Variants in BBS9 observed in about 807,000 individuals in gnomAD.
The protein encoded by BBS9 is Bardet-Biedl syndrome 9, also known as protein PTHB1.
Under a neutral mutation model 117.7 loss-of-function variants are expected in BBS9, and 89 were observed. That is an observed-to-expected ratio of 0.76 (90% CI 0.64 to 0.90). The LOEUF (loss-of-function observed/expected upper bound fraction) is 0.90. BBS9 is among the 40% of genes least tolerant of loss of function. The pLI, the probability that BBS9 is intolerant of heterozygous loss-of-function variation, is 0.00. For missense variants in BBS9, 982 were observed against 1,042.2 expected, an observed-to-expected ratio of 0.94 and a Z score of 0.80; for synonymous variants, 379 against 370.9, an observed-to-expected ratio of 1.02 and a Z score of -0.25.
chr7:33,434,889 T>C (rs974937743), intron 19 of BBS9, among the ~76,000 whole-genome samples: 1 of 152,116 alleles, frequency 6.6e-6, no homozygotes. Context: ...TTTGACCTCA[T>C]GAAATATGCA....
intron 20 of BBS9, among the ~76,000 whole-genome samples, chr7:33,513,721 T>C (rs1847309557): frequency 6.6e-6 from 1 of 152,186 alleles, no homozygotes; most frequent in Non-Finnish European, 1.5e-5. Flanking sequence ...CACATACATG[T>C]TCATTCACAT....
At chr7:33,220,337 C>G (rs1346780587) in intron 5 of BBS9, among the ~76,000 whole-genome samples, 1 of 152,106 alleles carries the variant, frequency 6.6e-6, no homozygotes, top group African/African-American at 2.4e-5. Flanking sequence ...GAGGGATGGT[C>G]AGGGCAGATG....
intron 19 of BBS9, among the ~76,000 whole-genome samples, chr7:33,438,206 G>A (rs76769115): frequency 0.018 from 2,782 of 152,192 alleles, 85 homozygotes; most frequent in African/African-American, 0.064. Flanking sequence ...TAAATTAAAT[G>A]CCTAAATGGG....
intron 19 of BBS9, among the ~76,000 whole-genome samples, chr7:33,398,353 A>G (rs892318619): frequency 2.6e-5 from 4 of 152,164 alleles, no homozygotes; most frequent in African/African-American, 4.8e-5. Context: ...ATTATTCCAT[A>G]TATGAGTTAG....
intron 21 of BBS9, among the ~76,000 whole-genome samples, chr7:33,544,998 T>G (rs536628994): frequency 1.9e-3 from 289 of 152,144 alleles, no homozygotes; most frequent in South Asian, 3.7e-3. Flanking sequence ...TCACAGGCCT[T>G]ACCCAGCTCC....
intron 20 of BBS9, among the ~76,000 whole-genome samples, chr7:33,517,538 G>A (rs533474711): frequency 2.0e-5 from 3 of 152,328 alleles, no homozygotes; most frequent in African/African-American, 7.2e-5. Context: ...TCTGGCAGGA[G>A]TGAGCACCCG....
chr7:33,317,008 T>G (rs1810648169), intron 9 of BBS9, among the ~76,000 whole-genome samples: 1 of 152,228 alleles, frequency 6.6e-6, no homozygotes, highest in African/African-American at 2.4e-5. Context: ...TAGCTCTTTT[T>G]TAGGTCTGTG....
At chr7:33,176,292 C>T (rs1005656864) in intron 4 of BBS9, among the ~76,000 whole-genome samples, 1 of 152,216 alleles carries the variant, frequency 6.6e-6, no homozygotes, top group Non-Finnish European at 1.5e-5. Flanking sequence ...TGACAGGATC[C>T]ATGGACAGTA....
intron 21 of BBS9, among the ~76,000 whole-genome samples, chr7:33,560,589 C>A (rs892985782): frequency 3.3e-5 from 5 of 152,168 alleles, no homozygotes; most frequent in Admixed American, 6.5e-5. Flanking sequence ...CCCCCTCCCC[C>A]GTTCACTGTT....
chr7:33,427,754 T>G (rs1029378325), intron 19 of BBS9, among the ~76,000 whole-genome samples: 4 of 152,192 alleles, frequency 2.6e-5, no homozygotes, highest in African/African-American at 7.2e-5. Context: ...GTGAAGAAAT[T>G]TGATGCTCTT....
chr7:33,547,211 A>G (rs1853541798), intron 21 of BBS9, among the ~76,000 whole-genome samples: 1 of 152,190 alleles, frequency 6.6e-6, no homozygotes, highest in Non-Finnish European at 1.5e-5. Context: ...TATCACTACT[A>G]TCAAAGATAG....
At chr7:33,220,264 GA>G (rs1295616961) in intron 5 of BBS9, among the ~76,000 whole-genome samples, 3 of 152,180 alleles carry the variant, frequency 2.0e-5, no homozygotes, top group Non-Finnish European at 1.5e-5. Flanking sequence ...GAAATGATGA[GA>G]AGAGTTTGAA....
intron 4 of BBS9, among the ~76,000 whole-genome samples, chr7:33,167,409 T>C (rs888658476): frequency 1.3e-5 from 2 of 151,168 alleles, no homozygotes; most frequent in African/African-American, 4.9e-5. Context: ...AATTCTTTTT[T>C]TTTTTTTTTT....
intron 21 of BBS9, among the ~76,000 whole-genome samples, chr7:33,567,856 T>TA (rs1857155098): frequency 6.6e-6 from 1 of 152,192 alleles, no homozygotes; most frequent in Non-Finnish European, 1.5e-5. Flanking sequence ...TACTGGCACC[T>TA]ATAGGTGCTC....
At chr7:33,582,891 T>C (rs1271638512) in intron 21 of BBS9, among the ~76,000 whole-genome samples, 1 of 152,154 alleles carries the variant, frequency 6.6e-6, no homozygotes, top group Non-Finnish European at 1.5e-5. Flanking sequence ...GGGAGCTCCA[T>C]ACCACATCTA....
chr7:33,564,039 C>T (rs899325950), intron 21 of BBS9, among the ~76,000 whole-genome samples: 8 of 104,478 alleles, frequency 7.7e-5, no homozygotes, highest in African/African-American at 4.3e-4. Context: ...TTCATCAATT[C>T]TTTAAAAAAA....
chr7:33,612,358 G>T (rs954860201), intron 21 of BBS9, among the ~76,000 whole-genome samples: 1 of 151,994 alleles, frequency 6.6e-6, no homozygotes, highest in African/African-American at 2.4e-5. Context: ...TGAGAGTTGG[G>T]ATTTATTTTC....
intron 5 of BBS9, among the ~76,000 whole-genome samples, chr7:33,203,798 C>T (rs1330309533): frequency 2.0e-5 from 3 of 151,572 alleles, no homozygotes; most frequent in African/African-American, 7.3e-5. Context: ...TCTTGGCTCA[C>T]TGCAACCTCC....
Position 33,367,851 on chromosome 7 carries a change from C to T in BBS9, c.1778C>T (p.Ser593Phe). ...LGGARITVLASKTSQRYRIQS... is the reference protein window; with the variant it reads ...LGGARITVLAFKTSQRYRIQS... ...GGTGCTCGAATTACTGTTCTTGCTT[C>T]CAAAACTTCTCGTAAGTAAAACCAT... The change falls in exon 17 of 23, where the codon TCC becomes TTC. Residue 593 changes from serine to phenylalanine, a missense_variant. Physicochemically the swap from Ser to Phe is radical, Grantham distance 155. Coordinates refer to ENST00000242067, the MANE Select transcript of BBS9 (RefSeq NM_198428.3). 6.2e-7 allele frequency: 1 copy of T among 1,613,680 alleles called. No individual in the cohort carries two copies. Among genetic ancestry groups the T allele is most frequent in the South Asian group, 1.1e-5 (1 of 91,074 alleles).
Sources: allele counts gnomAD v4.1 joint callset (sites outside exome capture counted in the v4.1 genomes callset), GRCh38; gene constraint gnomAD v4.1.1; transcripts MANE v1.5; gene names NCBI Gene and HGNC (gene_info 2026-07-23, HGNC 2026-07-21).